The following ROBO2 variants were observed in gnomAD, a reference collection of about 807,000 sequenced individuals.
ROBO2 encodes the protein roundabout guidance receptor 2, also known as roundabout homolog 2.
A neutral mutation model predicts 160.8 loss-of-function variants in ROBO2; 53 were observed. The observed-to-expected ratio is 0.33, with a 90% CI of 0.26 to 0.41. The LOEUF is 0.41. ROBO2 is among the 10% of genes least tolerant of loss of function. The pLI is 1.00. For synonymous variants in ROBO2, 664 were observed against 611.7 expected (o/e 1.09, Z -1.26); for missense variants, 1,577 against 1,722.4 (o/e 0.92, Z 1.49).
chr3:77,294,890 T>C lies in ROBO2; in HGVS notation c.389-182524T>C, dbSNP rs2061856177. 4.0e-5 allele frequency among the ~76,000 whole-genome samples: 6 copies of C among 149,884 alleles called. No individual in the cohort carries two copies. In the South Asian group the frequency reaches 1.1e-3, roughly 26 times the overall value. ...TAAAGACATAAAGTAAAATTGACAG[T>C]TAAACAGGTAAGCTGAGGCTAGATC... On this transcript the variant is annotated intron_variant, in intron 2 of 25. Coordinates refer to ENST00000461745, the Ensembl canonical transcript of ROBO2.
At chr3:76,855,749 C>G (rs370283907) in intron 2 of ROBO2, among the ~76,000 whole-genome samples, 1 of 152,204 alleles carries the variant, frequency 6.6e-6, no homozygotes. Flanking sequence ...ATAAGAAATG[C>G]TTTGTTTCTT....
chr3:77,513,124 A>G (rs979266527), intron 5 of ROBO2, among the ~76,000 whole-genome samples: 3 of 151,886 alleles, frequency 2.0e-5, no homozygotes, highest in African/African-American at 7.2e-5. Flanking sequence ...AGGTGATGAG[A>G]TACACAGGCT....
At chr3:77,232,377 T>C (rs1252531231) in intron 2 of ROBO2, among the ~76,000 whole-genome samples, 2 of 152,008 alleles carry the variant, frequency 1.3e-5, no homozygotes, top group African/African-American at 4.8e-5. Flanking sequence ...TTCTATAAAG[T>C]CCTGAGTAGA....
Position 76,195,781 on chromosome 3 carries a change from A to G in ROBO2, c.109+258179A>G, listed in dbSNP as rs558755462. On this transcript the variant is annotated intron_variant, in intron 2 of 26. Coordinates refer to the ROBO2 transcript ENST00000487694. ...TATTATTATTCTGCTGTTCAGCAGC[A>G]TTTCCTAAGATAATTATTCTTAGGC... 9.2e-5 allele frequency among the ~76,000 whole-genome samples: 14 copies of G among 152,310 alleles called. No homozygotes were observed. In the South Asian group the frequency reaches 2.5e-3, roughly 27 times the overall value.
intron 2 of ROBO2, among the ~76,000 whole-genome samples, chr3:77,207,443 A>T (rs1442875104): frequency 2.0e-5 from 3 of 152,206 alleles, no homozygotes; most frequent in African/African-American, 4.8e-5. Flanking sequence ...ATGTATTTAG[A>T]TGCTTAAATG....
At chr3:77,623,435 G>T (rs571125441) in intron 23 of ROBO2, among the ~76,000 whole-genome samples, 11 of 152,272 alleles carry the variant, frequency 7.2e-5, no homozygotes, top group African/African-American at 2.6e-4. Context: ...CAATGTGTTA[G>T]AGTTCTACAA....
intron 4 of ROBO2, among the ~76,000 whole-genome samples, chr3:77,488,357 G>A (rs2085639851): frequency 6.6e-6 from 1 of 152,188 alleles, no homozygotes; most frequent in Non-Finnish European, 1.5e-5. Context: ...AGCCCATTCA[G>A]AGAGGCTCTG....
intron 2 of ROBO2, chr3:76,433,934 C>T: frequency 1.5e-6 from 1 of 652,072 alleles, no homozygotes; most frequent in Non-Finnish European, 2.8e-6. Flanking sequence ...ATTTATTTAT[C>T]CATCTTGGGA....
chr3:77,204,415 A>G (rs1301252923), intron 2 of ROBO2, among the ~76,000 whole-genome samples: 6 of 152,196 alleles, frequency 3.9e-5, no homozygotes, highest in African/African-American at 1.4e-4. Context: ...GATGATAAAG[A>G]ATTAAGGTTC....
intron 2 of ROBO2, among the ~76,000 whole-genome samples, chr3:76,726,075 A>T (rs1184730314): frequency 6.6e-6 from 1 of 152,214 alleles, no homozygotes; most frequent in Non-Finnish European, 1.5e-5. Context: ...ACACGCGCAT[A>T]CATCAGTCTG....
At chr3:77,416,837 G>T (rs1188675675) in intron 2 of ROBO2, among the ~76,000 whole-genome samples, 1 of 151,858 alleles carries the variant, frequency 6.6e-6, no homozygotes, top group Non-Finnish European at 1.5e-5. Context: ...GCTTTGACAC[G>T]TATTTAGAAA....
chr3:77,256,378 A>G (rs2058413284), intron 2 of ROBO2, among the ~76,000 whole-genome samples: 1 of 152,238 alleles, frequency 6.6e-6, no homozygotes, highest in African/African-American at 2.4e-5. Context: ...TACCAACTGC[A>G]TAACATGTAA....
chr3:77,575,192 G>C (rs2093730612), intron 14 of ROBO2, among the ~76,000 whole-genome samples: 1 of 151,990 alleles, frequency 6.6e-6, no homozygotes, highest in South Asian at 2.1e-4. Context: ...TTGCGTATTT[G>C]CAGTAGCTTT....
chr3:77,144,884 T>C (rs1031273652), intron 2 of ROBO2, among the ~76,000 whole-genome samples: 1 of 152,214 alleles, frequency 6.6e-6, no homozygotes, highest in Admixed American at 6.5e-5. Context: ...ATTAATGCCT[T>C]GCCAAGTGGA....
chr3:77,399,119 T>C lies in ROBO2; in HGVS notation c.389-78295T>C, dbSNP rs536166900. ...ATTTTTTAAAAATATATTTTCCTTC[T>C]TTCAGTTCTCATTAGATATAGATTT... is the stretch of plus-strand genomic sequence containing the variant. On this transcript the variant is annotated intron_variant, in intron 2 of 25. Coordinates refer to ENST00000461745, the Ensembl canonical transcript of ROBO2. 2.0e-5 allele frequency among the ~76,000 whole-genome samples: 3 copies of C among 152,282 alleles called. No individual in the cohort carries two copies. In the South Asian group the frequency reaches 6.2e-4, roughly 32 times the overall value.
In ROBO2 at chr3:76,843,575, G is replaced by T. The variant is rs374289311; in HGVS notation, c.110-254439G>T. On this transcript the variant is annotated intron_variant, in intron 2 of 26. Transcript: ENST00000487694. Reference sequence around the variant, plus strand: ...CTTCTTGAGTTATTTAGATTTGCATGATTTTTACATCAAAACTTTGGTAGT... The same window carrying T: ...CTTCTTGAGTTATTTAGATTTGCATTATTTTTACATCAAAACTTTGGTAGT... Among the ~76,000 whole-genome samples, 7 of 152,064 alleles carry T rather than the reference G, an allele frequency of 4.6e-5. No individual in the cohort carries two copies. In the East Asian group the frequency reaches 1.2e-3, roughly 25 times the overall value.
At chr3:76,024,352 T>C (rs1175119912) in intron 2 of ROBO2, among the ~76,000 whole-genome samples, 1 of 138,778 alleles carries the variant, frequency 7.2e-6, no homozygotes, top group Admixed American at 8.0e-5. Context: ...AGTTAACTCA[T>C]GTTTATGTTT....
At position 77,186,709 on chromosome 3, in the gene ROBO2, AT is replaced by A. The variant is rs5850312; in HGVS notation, c.388+88378del. Among the ~76,000 whole-genome samples the A allele has an allele frequency of 7.3e-5, 11 of 151,430 alleles. No homozygotes were observed. In the South Asian group the frequency reaches 1.5e-3, roughly 20 times the overall value. On this transcript the variant is annotated intron_variant, in intron 2 of 25. Transcript: ENST00000461745. ...TTTCATTTTAGACATCAAAACTGAGATTTTTTTTTGAGAGTAAGCAATGTGA... is the reference window on the plus strand; with the variant it reads ...TTTCATTTTAGACATCAAAACTGAGATTTTTTTTGAGAGTAAGCAATGTGA...
intron 2 of ROBO2, among the ~76,000 whole-genome samples, chr3:76,143,400 T>C (rs930112682): frequency 1.3e-5 from 2 of 152,058 alleles, no homozygotes; most frequent in African/African-American, 4.8e-5. Context: ...TTAGGAGCAA[T>C]CAGCCAACCT....
Sources: gnomAD v4.1 joint callset for allele counts (sites outside exome capture counted in the v4.1 genomes callset) on GRCh38, gnomAD v4.1.1 for gene constraint, MANE v1.5 for transcripts, NCBI Gene and HGNC (gene_info 2026-07-23, HGNC 2026-07-21) for gene names.